CCNJL: variants seen among roughly 807,000 people sequenced by gnomAD.
CCNJL encodes cyclin-J-like protein.
Under a neutral mutation model 33.4 loss-of-function variants are expected in CCNJL, and 33 were observed. That is an observed-to-expected ratio of 0.99 (90% CI 0.75 to 1.32). CCNJL has a LOEUF of 1.32. CCNJL is among the 40% of genes most tolerant of loss of function. The probability of loss-of-function intolerance (pLI) is 0.00; values close to 1 mark genes in which losing one functional copy is unlikely to be tolerated. For missense variants in CCNJL, 512 were observed against 499.7 expected (o/e 1.02, Z -0.23); for synonymous variants, 227 against 220.9 (o/e 1.03, Z -0.24).
Position 160,255,595 on chromosome 5 carries a change from T to C in CCNJL, c.697A>G (p.Ser233Gly), listed in dbSNP as rs374407770. 20 of 1,614,146 alleles carry C rather than the reference T, an allele frequency of 1.2e-5. No homozygotes were observed. Among genetic ancestry groups the C allele is most frequent in the Admixed American group, 1.7e-5 (1 of 60,024 alleles). The change falls in exon 5 of 6, where the codon AGC becomes GGC. Residue 233 changes from serine (S) to glycine (G), a missense_variant. Transcript: ENST00000257536. Reference sequence around the variant, plus strand: ...GTGCTGAGGTGCTCCAGGGAATAGCTTGAGATCCTCTGCAGGTCTCTGGTC... The same window carrying C: ...GTGCTGAGGTGCTCCAGGGAATAGCCTGAGATCCTCTGCAGGTCTCTGGTC... Reference protein sequence around the residue: ...YWTRDLQRISSYSLEHLSTCI... With the variant: ...YWTRDLQRISGYSLEHLSTCI...
Position 160,298,357 on chromosome 5 carries a change from T to TA in CCNJL, c.66+13500dup, listed in dbSNP as rs879924908. ...GTGGGCAACAGAGAGAGACTCTATT[T>TA]AAAAAAAAAAAAAGACAGTTTCGAC... On this transcript the variant is annotated intron_variant, in intron 2 of 5. Transcript: ENST00000257536. 8.2e-3 allele frequency among the ~76,000 whole-genome samples: 1,178 copies of TA among 143,738 alleles called. 14 individuals are homozygous for TA. The highest frequency in any genetic ancestry group is 0.025 in the African/African-American group (975 of 39,250). 94.3% of individuals were successfully genotyped at this position (143,738 alleles called of 152,430 possible). A position where few individuals can be genotyped will look rare whatever the true frequency, so the allele number is the denominator to read the frequency against.
At chr5:160,305,708 A>G (rs771326632) in intron 2 of CCNJL, among the ~76,000 whole-genome samples, 1 of 152,236 alleles carries the variant, frequency 6.6e-6, no homozygotes, top group Non-Finnish European at 1.5e-5. Flanking sequence ...AAGCTTTGAT[A>G]CAATCCGCGG....
intron 3 of CCNJL, chr5:160,276,122 C>A (rs1394653141): frequency 6.6e-6 from 1 of 152,244 alleles, no homozygotes; most frequent in East Asian, 1.9e-4. Context: ...AGGCTGGGCA[C>A]TGTGGCTCAC....
rs184438132 is a variant in CCNJL, at chr5:160,309,711, G to A, written c.66+2147C>T. On this transcript the variant is annotated intron_variant, in intron 2 of 5. Transcript: ENST00000257536. ...TTGAAGAAGCATTTTCTTCTTTGAA[G>A]TGGGAGAGGAAATAAAGTAAAGGAG... 4.0e-3 allele frequency among the ~76,000 whole-genome samples: 606 copies of A among 152,274 alleles called. 1 individual carries two copies. Among genetic ancestry groups the A allele is most frequent in the Middle Eastern group, 0.01 (3 of 294 alleles).
chr5:160,260,811 C>T lies in CCNJL; in HGVS notation c.281-1040G>A, dbSNP rs571436523. Among the ~76,000 whole-genome samples, 693 of 152,304 alleles carry T rather than the reference C, an allele frequency of 4.6e-3. 1 individual carries two copies. Among genetic ancestry groups the T allele is most frequent in the Admixed American group, 6.7e-3 (103 of 15,306 alleles). On this transcript the variant is annotated intron_variant, in intron 3 of 5. Coordinates refer to ENST00000257536, the MANE Select transcript of CCNJL (RefSeq NM_001308173.3). The stretch of plus-strand genomic sequence containing the variant: ...CACCCTTCCCCATCCCCTCCTCACT[C>T]AGCCAACCCTGACCTGTCCTTCACC...
intron 2 of CCNJL, among the ~76,000 whole-genome samples, chr5:160,289,539 G>A (rs1211699342): frequency 6.6e-6 from 1 of 152,042 alleles, no homozygotes; most frequent in Non-Finnish European, 1.5e-5. Context: ...GAGACCAGAG[G>A]AGCCATTCTG....
At chr5:160,299,450 C>T (rs752679655) in intron 2 of CCNJL, among the ~76,000 whole-genome samples, 8 of 151,922 alleles carry the variant, frequency 5.3e-5, no homozygotes, top group Admixed American at 3.9e-4. Flanking sequence ...CCATGCCCAG[C>T]TTAAAAGACG....
chr5:160,273,526 AAAG>A (rs780923471), intron 3 of CCNJL, among the ~76,000 whole-genome samples: 5 of 152,178 alleles, frequency 3.3e-5, no homozygotes, highest in Non-Finnish European at 5.9e-5. Context: ...GTGAGAGGTG[AAAG>A]AAGAAGACAG....
intron 3 of CCNJL, chr5:160,261,006 A>G (rs1761306735): frequency 6.6e-6 from 1 of 152,358 alleles, no homozygotes; most frequent in Non-Finnish European, 1.5e-5. Flanking sequence ...CAAAAGAGGC[A>G]TTGGGGCGGC....
chr5:160,300,429 C>T (rs1186284739), intron 2 of CCNJL, among the ~76,000 whole-genome samples: 1 of 152,220 alleles, frequency 6.6e-6, no homozygotes, highest in Non-Finnish European at 1.5e-5. Context: ...CATCCTCTAG[C>T]ACAAGCGTGT....
At chr5:160,295,343 G>C (rs1408686172) in intron 2 of CCNJL, among the ~76,000 whole-genome samples, 1 of 152,104 alleles carries the variant, frequency 6.6e-6, no homozygotes, top group Non-Finnish European at 1.5e-5. Flanking sequence ...CAAAAAATTA[G>C]CTGGGCATGG....
intron 2 of CCNJL, among the ~76,000 whole-genome samples, chr5:160,281,893 G>A (rs191978478): frequency 3.9e-5 from 6 of 152,140 alleles, no homozygotes; most frequent in African/African-American, 7.2e-5. Context: ...GACCTCAAGC[G>A]ATCCTTCCCA....
intron 3 of CCNJL, among the ~76,000 whole-genome samples, chr5:160,279,194 C>T (rs1762123284): frequency 6.6e-6 from 1 of 152,098 alleles, no homozygotes. Context: ...GTGCCATAGT[C>T]CTGCAGCACC....
intron 3 of CCNJL, among the ~76,000 whole-genome samples, chr5:160,267,002 C>A (rs529259578): frequency 6.6e-6 from 1 of 152,206 alleles, no homozygotes; most frequent in African/African-American, 2.4e-5. Flanking sequence ...CCCCCTCCCC[C>A]AGGGTGAGAC....
intron 2 of CCNJL, among the ~76,000 whole-genome samples, chr5:160,284,300 C>T (rs1762337441): frequency 6.6e-6 from 1 of 151,914 alleles, no homozygotes; most frequent in South Asian, 2.1e-4. Context: ...TGCAGTGACC[C>T]GAGATTGTGT....
chr5:160,285,445 G>T lies in CCNJL; in HGVS notation c.67-4707C>A, dbSNP rs143370115. 2.7e-3 allele frequency among the ~76,000 whole-genome samples: 410 copies of T among 152,240 alleles called. 2 individuals are homozygous for T. The highest frequency in any genetic ancestry group is 0.022 in the South Asian group (108 of 4,822). On this transcript the variant is annotated intron_variant, in intron 2 of 5. Coordinates refer to ENST00000257536, the MANE Select transcript of CCNJL (RefSeq NM_001308173.3). The stretch of plus-strand genomic sequence containing the variant: ...GAAAGACAGAAGGGGTGGGGAGGGA[G>T]GGAGAGGCAGTAAAGAAAGCAAGGA...
chr5:160,323,585 C>T (rs1047790967), intron 1 of CCNJL, among the ~76,000 whole-genome samples: 1 of 152,196 alleles, frequency 6.6e-6, no homozygotes, highest in African/African-American at 2.4e-5. Context: ...TTATGCTTCT[C>T]CAATATCCTG....
intron 2 of CCNJL, among the ~76,000 whole-genome samples, chr5:160,282,829 G>A (rs546342587): frequency 6.6e-6 from 1 of 151,044 alleles, no homozygotes; most frequent in Non-Finnish European, 1.5e-5. Flanking sequence ...TACAAGTGCT[G>A]GATAGGGGCA....
intron 1 of CCNJL, among the ~76,000 whole-genome samples, chr5:160,327,424 T>C (rs1453125773): frequency 6.6e-6 from 1 of 152,268 alleles, no homozygotes; most frequent in East Asian, 1.9e-4. Flanking sequence ...ACACCACTGA[T>C]ACCTGTTGCA....
Sources: allele counts gnomAD v4.1 joint callset (sites outside exome capture counted in the v4.1 genomes callset), GRCh38; gene constraint gnomAD v4.1.1; transcripts MANE v1.5; gene names NCBI Gene and HGNC (gene_info 2026-07-23, HGNC 2026-07-21).